KLHL1: variants seen among roughly 807,000 people sequenced by gnomAD.
The protein encoded by KLHL1 is kelch-like protein 1.
In KLHL1, 47 loss-of-function variants were observed where a neutral mutation model predicts 77.7. The observed-to-expected ratio is 0.60, with a 90% CI of 0.48 to 0.77. The LOEUF is 0.77. KLHL1 is among the 30% of genes least tolerant of loss of function. The pLI is 0.00. For missense variants in KLHL1, 925 were observed against 910.8 expected (o/e 1.02, Z -0.20); for synonymous variants, 360 against 325.2 (o/e 1.11, Z -1.15).
At chr13:69,724,539 C>T (rs1873212889) in intron 8 of KLHL1, among the ~76,000 whole-genome samples, 1 of 152,018 alleles carries the variant, frequency 6.6e-6, no homozygotes, top group Non-Finnish European at 1.5e-5. Flanking sequence ...AAGACACCAC[C>T]AAAAACAAAC....
chr13:69,959,417 T>C (rs572040927), intron 3 of KLHL1, among the ~76,000 whole-genome samples: 20 of 152,052 alleles, frequency 1.3e-4, no homozygotes, highest in South Asian at 2.1e-4. Flanking sequence ...CAGAGGTAAA[T>C]ATTCCTCCAT....
intron 6 of KLHL1, among the ~76,000 whole-genome samples, chr13:69,805,961 C>G (rs1373171346): frequency 1.3e-5 from 2 of 151,866 alleles, no homozygotes; most frequent in African/African-American, 2.4e-5. Flanking sequence ...GGAAAAAACC[C>G]TATCAGATAT....
At position 70,022,281 on chromosome 13, in the gene KLHL1, T is replaced by TGTGTGTGTG. The variant is rs67661890; in HGVS notation, c.498-46480_498-46479insCACACACAC. Among the ~76,000 whole-genome samples the TGTGTGTGTG allele has an allele frequency of 2.3e-3, 305 of 134,700 alleles. 2 individuals are homozygous for TGTGTGTGTG. Among genetic ancestry groups the TGTGTGTGTG allele is most frequent in the African/African-American group, 7.5e-3 (247 of 32,876 alleles). 88.4% of individuals were successfully genotyped at this position (134,700 alleles called of 152,430 possible). ...AAAGGTAAGTTGATTACGTGTGTGT[T>TGTGTGTGTG]TGTGTGTGTGTGTGTGTGTGTGTAT... On this transcript the variant is annotated intron_variant, in intron 1 of 10. Coordinates refer to ENST00000377844, the MANE Select transcript of KLHL1 (RefSeq NM_020866.3).
rs574268059 is a variant in KLHL1, at chr13:69,816,093, C to T, written c.1415-19131G>A. Among the ~76,000 whole-genome samples, 12 of 151,704 alleles carry T rather than the reference C, an allele frequency of 7.9e-5. No individual in the cohort carries two copies. The South Asian group carries it at 2.3e-3, about 29-fold the overall frequency. On this transcript the variant is annotated intron_variant, in intron 6 of 10. Coordinates refer to ENST00000377844, the MANE Select transcript of KLHL1 (RefSeq NM_020866.3). ...GTAAATATCAGAAAATTTACTTAGG[C>T]TTTCCTAATAATTAAATAATTTTAT...
chr13:69,709,661 C>CCTT (rs5804444), intron 9 of KLHL1, among the ~76,000 whole-genome samples: 130,121 of 151,630 alleles, frequency 0.86, 56,569 homozygotes, highest in East Asian at 0.99. Context: ...AAAATAAAGT[C>CCTT]ATTATTTTTG....
intron 1 of KLHL1, among the ~76,000 whole-genome samples, chr13:70,098,959 C>T (rs950461424): frequency 4.0e-5 from 6 of 151,608 alleles, no homozygotes; most frequent in Admixed American, 3.3e-4. Flanking sequence ...ATGCTTTATA[C>T]TTAGTCAATA....
chr13:69,889,230 T>A (rs994310753), intron 4 of KLHL1, among the ~76,000 whole-genome samples: 2 of 152,088 alleles, frequency 1.3e-5, no homozygotes, highest in African/African-American at 4.8e-5. Flanking sequence ...TTTACTGGGC[T>A]TTTGATTATT....
rs1390642889 is a variant in KLHL1 at position 70,073,092 on chromosome 13, T to C, written c.497+34111A>G. Among the ~76,000 whole-genome samples, 10 of 152,298 alleles carry C rather than the reference T, an allele frequency of 6.6e-5. No individual in the cohort carries two copies. The East Asian group carries it at 1.9e-3, about 29-fold the overall frequency. ...CCCAAAGGATTATAAATCATGCTGC[T>C]ATAAAGACACATGCACATGTATGTT... On this transcript the variant is annotated intron_variant, in intron 1 of 10. Coordinates refer to ENST00000377844, the MANE Select transcript of KLHL1 (RefSeq NM_020866.3).
chr13:69,963,541 T>C (rs1033299799), intron 2 of KLHL1, among the ~76,000 whole-genome samples: 3 of 152,124 alleles, frequency 2.0e-5, no homozygotes, highest in African/African-American at 7.2e-5. Context: ...ACTCAATCAA[T>C]TGAAAATTCT....
intron 5 of KLHL1, among the ~76,000 whole-genome samples, chr13:69,876,952 G>A (rs901651739): frequency 4.6e-5 from 7 of 152,182 alleles, no homozygotes; most frequent in East Asian, 3.9e-4. Flanking sequence ...CAGGAGAATC[G>A]CTTGAACCTG....
At chr13:69,857,625 G>T (rs973186486) in intron 5 of KLHL1, among the ~76,000 whole-genome samples, 1 of 151,984 alleles carries the variant, frequency 6.6e-6, no homozygotes, top group African/African-American at 2.4e-5. Context: ...AGTCAGAAAG[G>T]AATATTGGGC....
At chr13:69,889,066 C>A (rs74092643) in intron 4 of KLHL1, among the ~76,000 whole-genome samples, 14,149 of 151,378 alleles carry the variant, frequency 0.093, 799 homozygotes, top group African/African-American at 0.15. Flanking sequence ...ATATAATTTT[C>A]TATTGCTTTT....
At chr13:70,082,927 C>T (rs1440409180) in intron 1 of KLHL1, among the ~76,000 whole-genome samples, 2 of 152,062 alleles carry the variant, frequency 1.3e-5, no homozygotes, top group African/African-American at 2.4e-5. Context: ...AAACATGGAG[C>T]ACATGTGGAC....
chr13:70,041,868 C>T (rs961448752), intron 1 of KLHL1, among the ~76,000 whole-genome samples: 2 of 152,128 alleles, frequency 1.3e-5, no homozygotes, highest in African/African-American at 4.8e-5. Flanking sequence ...TCTCTGACAA[C>T]ACCACTGTTG....
intron 9 of KLHL1, among the ~76,000 whole-genome samples, chr13:69,712,146 C>A (rs1374893572): frequency 1.3e-5 from 2 of 151,982 alleles, no homozygotes; most frequent in Non-Finnish European, 2.9e-5. Context: ...ATAGTTTCCC[C>A]ACTCTCCAAC....
At position 69,778,923 on chromosome 13, in the gene KLHL1, C is replaced by G. The variant is rs530607018; in HGVS notation, c.1639+17815G>C. The stretch of plus-strand genomic sequence containing the variant: ...AAGCAATTCTCCTGCCTCAGCCTCC[C>G]GAGTAGTTGGGACTACAGGCACACG... On this transcript the variant is annotated intron_variant, in intron 7 of 10. Transcript: ENST00000377844. 8.6e-5 allele frequency among the ~76,000 whole-genome samples: 13 copies of G among 151,116 alleles called. No homozygotes were observed. In the South Asian group the frequency reaches 2.7e-3, roughly 32 times the overall value.
chr13:69,754,340 A>C (rs1466804241), intron 7 of KLHL1, among the ~76,000 whole-genome samples: 1 of 152,140 alleles, frequency 6.6e-6, no homozygotes, highest in African/African-American at 2.4e-5. Flanking sequence ...AAATACATGA[A>C]ATGCAGCTAT....
chr13:69,933,398 G>A (rs574190473), intron 4 of KLHL1, among the ~76,000 whole-genome samples: 1 of 152,120 alleles, frequency 6.6e-6, no homozygotes, highest in African/African-American at 2.4e-5. Context: ...ATTCTTCTAA[G>A]GCAAACTCTA....
At chr13:69,710,758 C>T (rs1208160281) in intron 9 of KLHL1, among the ~76,000 whole-genome samples, 1 of 152,040 alleles carries the variant, frequency 6.6e-6, no homozygotes, top group Non-Finnish European at 1.5e-5. Flanking sequence ...TTCTGAAAAA[C>T]TTGAATTCTA....
Sources: allele counts gnomAD v4.1 joint callset (sites outside exome capture counted in the v4.1 genomes callset), GRCh38; gene constraint gnomAD v4.1.1; transcripts MANE v1.5; gene names NCBI Gene and HGNC (gene_info 2026-07-23, HGNC 2026-07-21).